The following WDR47 variants were observed in gnomAD, a reference collection of about 807,000 sequenced individuals.
WDR47 encodes WD repeat-containing protein 47.
WDR47 carries 32 observed loss-of-function variants against 97.2 expected under a neutral mutation model. The ratio of observed to expected loss-of-function variants is 0.33; its 90% CI spans 0.25 to 0.44. WDR47 has a LOEUF of 0.44. Among genes scored for constraint, WDR47 ranks in the 20% least tolerant of loss-of-function variants. WDR47 has a pLI of 1.00. For synonymous variants in WDR47, 375 were observed against 373.5 expected (o/e 1.00, Z -0.05); for missense variants, 782 against 1,102.3 (o/e 0.71, Z 4.11).
Position 109,022,359 on chromosome 1 carries a change from T to C in WDR47, c.158+996A>G, listed in dbSNP as rs1255065630. 6.6e-5 allele frequency among the ~76,000 whole-genome samples: 10 copies of C among 152,190 alleles called. 1 individual carries two copies. Among genetic ancestry groups the C allele is most frequent in the South Asian group, 4.1e-4 (2 of 4,834 alleles). On this transcript the variant is annotated intron_variant, in intron 2 of 14. Coordinates refer to ENST00000369962, the MANE Select transcript of WDR47 (RefSeq NM_001142551.2). ...GGTGGGGTAATTTTTCTTTTATTTA[T>C]CTTTCTATATTTTCTATAATGAACA...
At chr1:109,025,129 T>C (rs1015299488) in intron 1 of WDR47, 1 of 152,154 alleles carries the variant, frequency 6.6e-6, no homozygotes, top group Non-Finnish European at 1.5e-5. Context: ...CATCAGCAGA[T>C]GAGTACATTT....
Position 109,004,264 on chromosome 1 carries a change from C to CA in WDR47, c.1254+327dup, listed in dbSNP as rs748279464. 7.0e-3 allele frequency among the ~76,000 whole-genome samples: 778 copies of CA among 110,600 alleles called. 3 individuals carry two copies. The highest frequency in any genetic ancestry group is 0.015 in the African/African-American group (449 of 29,558). 72.6% of individuals were successfully genotyped at this position (110,600 alleles called of 152,430 possible). A position where few individuals can be genotyped will look rare whatever the true frequency, so the allele number is the denominator to read the frequency against. Reference sequence around the variant, plus strand: ...TGGGCGACAGAACAAGACTCCGTCTCAAAAAAAAAAAAACAAACGTAAACT... The same window carrying CA: ...TGGGCGACAGAACAAGACTCCGTCTCAAAAAAAAAAAAAACAAACGTAAACT... On this transcript the variant is annotated intron_variant, in intron 6 of 14. Coordinates refer to ENST00000369962, the MANE Select transcript of WDR47 (RefSeq NM_001142551.2).
At chr1:108,997,287 G>T (rs1659823222) in intron 7 of WDR47, among the ~76,000 whole-genome samples, 1 of 150,134 alleles carries the variant, frequency 6.7e-6, no homozygotes, top group Non-Finnish European at 1.5e-5. Context: ...AAAAGAAAAA[G>T]AAAAACTTAG....
chr1:109,011,564 C>T lies in WDR47; in HGVS notation c.482G>A (p.Arg161Gln), dbSNP rs759910140. 1.9e-6 allele frequency: 3 copies of T among 1,614,148 alleles called. No individual in the cohort carries two copies. The change falls in exon 5 of 15, where the codon CGA (arginine) becomes CAA (glutamine). Residue 161 changes from arginine (R) to glutamine (Q), a missense_variant. By Grantham distance (43) the Arg-to-Gln change is conservative. Around this residue, in one of 3 missense-constraint regions of WDR47, gnomAD observed 428 missense variants for 584.3 expected, o/e 0.73. Transcript: ENST00000369962. ...EFKDWNPSTA[R>Q]VHCFEEACVM... ...ACAAGCCTCTTCAAAACAGTGAACT[C>T]GTGCGGTGCTGGGATTCCAGTCCTT... is the stretch of plus-strand genomic sequence containing the variant.
At chr1:108,984,418 A>G (rs572028353) in intron 10 of WDR47, among the ~76,000 whole-genome samples, 1 of 152,376 alleles carries the variant, frequency 6.6e-6, no homozygotes, top group East Asian at 1.9e-4. Context: ...TAAATACTTT[A>G]GCAAATGAAC....
Position 109,011,171 on chromosome 1 carries a change from G to A in WDR47, c.875C>T (p.Ser292Phe). The A allele has an allele frequency of 6.2e-7, 1 of 1,614,190 alleles. No individual in the cohort carries two copies. The highest frequency in any genetic ancestry group is 1.1e-5 in the South Asian group (1 of 91,084). ...TCTCATTGGGGATGATGGATAGGGA[G>A]AGAGTTTGCTGATAAGAGGAGTCAA... The part of the protein sequence containing the change: ...DLLTPLISKL[S>F]PYPSSPMRRP... The change falls in exon 5 of 15, where the codon TCT becomes TTT. Residue 292 changes from serine (S) to phenylalanine (F), a missense_variant. This residue lies in a region of WDR47 where 428 missense variants were observed against 584.3 expected (regional missense o/e 0.73). Coordinates refer to ENST00000369962, the MANE Select transcript of WDR47 (RefSeq NM_001142551.2).
intron 8 of WDR47, 136 bp from the exon 9 acceptor site, chr1:108,991,465 T>A: frequency 1.6e-6 from 1 of 634,624 alleles, no homozygotes; most frequent in Middle Eastern, 3.0e-4. Context: ...CTGGAGACAT[T>A]TATTAAAATA....
At position 108,995,685 on chromosome 1, in the gene WDR47, T is replaced by C. The variant is rs1386810656; in HGVS notation, c.1586A>G (p.Gln529Arg). 1.2e-6 allele frequency: 2 copies of C among 1,614,176 alleles called. No individual in the cohort carries two copies. The highest frequency in any genetic ancestry group is 2.2e-5 in the South Asian group (2 of 91,084). Residue 529 changes from glutamine (Q) to arginine (R), a missense_variant, in exon 8 of 15, where the codon CAG becomes CGG. By Grantham distance (43) the Gln-to-Arg change is conservative. Around this residue, in one of 3 missense-constraint regions of WDR47, gnomAD observed 126 missense variants for 121.3 expected, o/e 1.04. Transcript: ENST00000369962. ...ATTTGAAGCATCATGTGTTAATCTC[T>C]GACTAGAGTCTTGGGGTGGTGTAGT... ...SFTTPPQDSS[Q>R]RLTHDASNIH...
intron 3 of WDR47, among the ~76,000 whole-genome samples, chr1:109,015,665 G>A (rs1302866852): frequency 6.6e-6 from 1 of 151,194 alleles, no homozygotes; most frequent in African/African-American, 2.4e-5. Flanking sequence ...TGAAAAGCTG[G>A]CACAACTAGA....
chr1:109,021,073 T>A (rs1242628080), intron 2 of WDR47, among the ~76,000 whole-genome samples: 1 of 152,142 alleles, frequency 6.6e-6, no homozygotes, highest in Non-Finnish European at 1.5e-5. Context: ...TGGTATCTCA[T>A]AAAAATAGAA....
At chr1:108,984,137 G>C (rs1334971477) in intron 10 of WDR47, among the ~76,000 whole-genome samples, 1 of 152,200 alleles carries the variant, frequency 6.6e-6, no homozygotes, top group Non-Finnish European at 1.5e-5. Flanking sequence ...TTAGTAGAGT[G>C]AGCAGGAGTG....
At chr1:108,984,980 T>C (rs563601903) in intron 10 of WDR47, among the ~76,000 whole-genome samples, 24 of 152,302 alleles carry the variant, frequency 1.6e-4, no homozygotes, top group African/African-American at 5.8e-4. Context: ...TCCCACCGAT[T>C]CCTTCCTTAA....
rs545288637 is a variant in WDR47, at chr1:109,021,941, G to A, written c.158+1414C>T. Among the ~76,000 whole-genome samples the A allele has an allele frequency of 1.0e-3, 157 of 151,578 alleles. 1 individual carries two copies. Among genetic ancestry groups the A allele is most frequent in the African/African-American group, 1.5e-3 (62 of 41,270 alleles). Reference sequence around the variant, plus strand: ...TGGCTCACTGCAACCTCTGCCTCTCGGGCTCAAGTGATTTTCCTGCCTTAG... The same window carrying A: ...TGGCTCACTGCAACCTCTGCCTCTCAGGCTCAAGTGATTTTCCTGCCTTAG... On this transcript the variant is annotated intron_variant, in intron 2 of 14. Coordinates refer to ENST00000369962, the MANE Select transcript of WDR47 (RefSeq NM_001142551.2).
In WDR47 at chr1:108,982,686, G is replaced by A. The variant is rs937637324; in HGVS notation, c.2189C>T (p.Ala730Val). The A allele has an allele frequency of 6.2e-7, 1 of 1,614,036 alleles. No individual in the cohort carries two copies. The highest frequency in any genetic ancestry group is 1.1e-5 in the South Asian group (1 of 91,074). ...ATAAATGTTACAATCCCCTGCTCCA[G>A]CACTTATTAAAATAGCTCCTCCGCT... ...PESGGAILIS[A>V]GAGDCNIYTT... is the part of the protein sequence containing the mutation. The change falls in exon 12 of 15, where the codon GCT becomes GTT. Residue 730 changes from alanine (A) to valine (V), a missense_variant. Ala to Val is a moderately conservative substitution (Grantham distance 64). Transcript: ENST00000369962.
At chr1:109,009,798 G>C in intron 5 of WDR47, among the ~76,000 whole-genome samples, 1 of 151,984 alleles carries the variant, frequency 6.6e-6, no homozygotes, top group Non-Finnish European at 1.5e-5. Context: ...AGGAGTTCAT[G>C]ACCAGCCTGG....
chr1:108,998,419 T>C (rs1350305939), intron 7 of WDR47, among the ~76,000 whole-genome samples: 2 of 151,900 alleles, frequency 1.3e-5, no homozygotes, highest in Non-Finnish European at 2.9e-5. Flanking sequence ...GGTGAATCGC[T>C]TGAACCTGGG....
At chr1:109,013,758 T>C in intron 4 of WDR47, 83 bp downstream of exon 4, 1 of 1,443,042 alleles carries the variant, frequency 6.9e-7, no homozygotes, top group Non-Finnish European at 9.6e-7. Flanking sequence ...AAACTTGTGA[T>C]GCTAATCCTT....
rs1392814201 is a variant in WDR47, at chr1:109,018,679, G to T, written c.159-1078C>A. ...AAAATACAAAAATTAGCCAGGCATG[G>T]TTGTGCATGCCTGTGGTCCCAGCTA... On this transcript the variant is annotated intron_variant, in intron 2 of 14. Coordinates refer to ENST00000369962, the MANE Select transcript of WDR47 (RefSeq NM_001142551.2). Among the ~76,000 whole-genome samples, 5 of 152,008 alleles carry T rather than the reference G, an allele frequency of 3.3e-5. No individual in the cohort carries two copies. The East Asian group carries it at 9.7e-4, about 29-fold the overall frequency.
At position 108,974,576 on chromosome 1, in the gene WDR47, T is replaced by C; in HGVS notation, c.2577A>G (p.Thr859=). The C allele has an allele frequency of 5.6e-6, 9 of 1,614,182 alleles. No individual in the cohort carries two copies. The highest frequency in any genetic ancestry group is 7.6e-6 in the Non-Finnish European group (9 of 1,180,032). Residue 859 remains threonine (T), a synonymous_variant, in exon 14 of 15, where the codon ACA becomes ACG. Coordinates refer to ENST00000369962, the MANE Select transcript of WDR47 (RefSeq NM_001142551.2). ...CCTTTATTTTCATATCATAAGAGCCTGTTAGCAAGTAGTGAGCTCCAGGGG... is the reference window on the plus strand; with the variant it reads ...CCTTTATTTTCATATCATAAGAGCCCGTTAGCAAGTAGTGAGCTCCAGGGG... ...RFSPGAHYLL[T]GSYDMKIKVT...
Sources: gnomAD v4.1 joint callset for allele counts (sites outside exome capture counted in the v4.1 genomes callset) on GRCh38, gnomAD v4.1.1 for gene constraint, gnomAD v4.1.1 regional missense constraint, MANE v1.5 for transcripts, NCBI Gene and HGNC (gene_info 2026-07-23, HGNC 2026-07-21) for gene names.